EFCAB6: variants seen among roughly 807,000 people sequenced by gnomAD.
EFCAB6 encodes EF-hand calcium-binding domain-containing protein 6.
A neutral mutation model predicts 169.8 loss-of-function variants in EFCAB6; 156 were observed. The ratio of observed to expected loss-of-function variants is 0.92; its 90% confidence interval spans 0.81 to 1.05. The LOEUF is 1.05. Among genes scored for constraint, EFCAB6 ranks in the 50% least tolerant of loss-of-function variants. The pLI is 0.00. For synonymous variants in EFCAB6, 698 were observed against 676.4 expected (o/e 1.03, Z -0.50); for missense variants, 1,800 against 1,829.1 (o/e 0.98, Z 0.29).
intron 20 of EFCAB6, among the ~76,000 whole-genome samples, chr22:43,616,803 C>T (rs1454666175): frequency 2.0e-5 from 3 of 152,208 alleles, no homozygotes; most frequent in Non-Finnish European, 4.4e-5. Context: ...CTGGGATGCC[C>T]TAGATCTTTC....
chr22:43,792,405 G>A (rs1043692175), intron 2 of EFCAB6, among the ~76,000 whole-genome samples: 3 of 152,232 alleles, frequency 2.0e-5, no homozygotes, highest in African/African-American at 7.2e-5. Context: ...TGCAAGGGAA[G>A]TGGAGATGTG....
intron 17 of EFCAB6, among the ~76,000 whole-genome samples, chr22:43,650,785 T>C (rs2056429826): frequency 6.6e-6 from 1 of 152,166 alleles, no homozygotes; most frequent in South Asian, 2.1e-4. Context: ...GAGGCACTTG[T>C]TGGGAACTGG....
intron 27 of EFCAB6, among the ~76,000 whole-genome samples, chr22:43,544,354 C>A (rs1046739492): frequency 2.6e-5 from 4 of 152,216 alleles, no homozygotes; most frequent in Non-Finnish European, 5.9e-5. Context: ...TCCAGGCCAC[C>A]CCTCCTCGTG....
intron 5 of EFCAB6, chr22:43,759,422 T>C (rs1476227749): frequency 1.3e-5 from 2 of 152,356 alleles, no homozygotes; most frequent in East Asian, 1.9e-4. Context: ...CGAACGATTG[T>C]AGTTATTCTT....
At chr22:43,543,103 G>A (rs1465863717) in intron 27 of EFCAB6, among the ~76,000 whole-genome samples, 1 of 152,188 alleles carries the variant, frequency 6.6e-6, no homozygotes, top group Admixed American at 6.5e-5. Flanking sequence ...CTGAGCCCAT[G>A]AGCGCGGGGT....
intron 17 of EFCAB6, among the ~76,000 whole-genome samples, chr22:43,649,395 A>G (rs137749): frequency 0.12 from 18,314 of 152,220 alleles, 1,144 homozygotes; most frequent in Admixed American, 0.13. Flanking sequence ...TATAATGCCT[A>G]TTGCTTATAA....
intron 9 of EFCAB6, chr22:43,716,641 T>A (rs913856312): frequency 2.1e-6 from 1 of 482,696 alleles, no homozygotes; most frequent in Non-Finnish European, 3.4e-6. Context: ...AAGGATGTAC[T>A]TAAAAATTAA....
At chr22:43,584,601 A>G (rs1426763581) in intron 24 of EFCAB6, among the ~76,000 whole-genome samples, 1 of 152,132 alleles carries the variant, frequency 6.6e-6, no homozygotes, top group Non-Finnish European at 1.5e-5. Flanking sequence ...TCCAAGGGAA[A>G]AGACTTTCTG....
chr22:43,564,145 G>T (rs1221462668), intron 26 of EFCAB6, among the ~76,000 whole-genome samples: 2 of 152,284 alleles, frequency 1.3e-5, no homozygotes, highest in South Asian at 2.1e-4. Flanking sequence ...CATCCCCCAT[G>T]CACTTTAGGA....
At chr22:43,806,679 G>C (rs1024151624) in intron 2 of EFCAB6, among the ~76,000 whole-genome samples, 1 of 152,182 alleles carries the variant, frequency 6.6e-6, no homozygotes, top group African/African-American at 2.4e-5. Flanking sequence ...ACACCACGTA[G>C]TTCCTCACTT....
chr22:43,784,953 A>T (rs2062024120), intron 2 of EFCAB6, among the ~76,000 whole-genome samples: 2 of 151,988 alleles, frequency 1.3e-5, no homozygotes, highest in African/African-American at 4.8e-5. Context: ...GATCTATATT[A>T]AAAAAAGGAA....
rs200749675 is a variant in EFCAB6 at position 43,678,129 on chromosome 22, C to T, written c.1286G>A (p.Arg429Gln). Residue 429 changes from arginine (R) to glutamine (Q), a missense_variant, in exon 13 of 32, where the codon CGA becomes CAA. Physicochemically the swap from Arg to Gln is conservative, Grantham distance 43. Coordinates refer to ENST00000262726, the MANE Select transcript of EFCAB6 (RefSeq NM_022785.4). The stretch of plus-strand genomic sequence containing the variant: ...TACAGCCATGCAATTTAGAATATAT[C>T]GAAATTCTTCTCTTGTTATCGGTCC... The part of the protein sequence containing the change: ...PDGPITREEF[R>Q]YILNCMAVKL... 3.7e-6 allele frequency: 6 copies of T among 1,609,266 alleles called. No individual in the cohort carries two copies. The highest frequency in any genetic ancestry group is 2.7e-5 in the African/African-American group (2 of 73,376).
intron 17 of EFCAB6, among the ~76,000 whole-genome samples, chr22:43,646,195 C>A (rs1038383750): frequency 2.0e-5 from 3 of 152,138 alleles, no homozygotes; most frequent in East Asian, 3.9e-4. Flanking sequence ...GACAAATGGG[C>A]GCAACAGGAA....
chr22:43,608,340 C>G, intron 22 of EFCAB6, 142 bp downstream of exon 22: 1 of 691,462 alleles, frequency 1.4e-6, no homozygotes, highest in East Asian at 2.7e-5. Context: ...AGGAAAGACA[C>G]AGGAGATGAG....
chr22:43,529,017 C>A (rs1187975643), intron 31 of EFCAB6, 42 bp from the exon 32 acceptor site: 1 of 1,526,446 alleles, frequency 6.6e-7, no homozygotes, highest in South Asian at 1.2e-5. Flanking sequence ...TTGTTTGGTG[C>A]CCTAGGTTAA....
chr22:43,722,296 G>A (rs1409549136), intron 8 of EFCAB6, among the ~76,000 whole-genome samples: 1 of 152,098 alleles, frequency 6.6e-6, no homozygotes, highest in Non-Finnish European at 1.5e-5. Flanking sequence ...GGAGGCCAAG[G>A]TGGGCAGATC....
intron 2 of EFCAB6, among the ~76,000 whole-genome samples, chr22:43,789,847 TCACACACA>T (rs34752280): frequency 2.8e-5 from 4 of 143,404 alleles, no homozygotes; most frequent in African/African-American, 7.8e-5. Context: ...TGGCTAACCT[TCACACACA>T]CACACACACA....
intron 6 of EFCAB6, among the ~76,000 whole-genome samples, chr22:43,739,415 C>A (rs1461592170): frequency 6.6e-6 from 1 of 152,026 alleles, no homozygotes; most frequent in Admixed American, 6.5e-5. Context: ...CATCTCTAAG[C>A]CTGGAGCATT....
At chr22:43,770,219 C>T (rs1163132791) in intron 4 of EFCAB6, among the ~76,000 whole-genome samples, 2 of 152,146 alleles carry the variant, frequency 1.3e-5, no homozygotes, top group African/African-American at 4.8e-5. Context: ...CCAGGCTGGT[C>T]TTGAACTCCT....
Sources: allele counts gnomAD v4.1 joint callset (sites outside exome capture counted in the v4.1 genomes callset), GRCh38; gene constraint gnomAD v4.1.1; transcripts MANE v1.5; gene names NCBI Gene and HGNC (gene_info 2026-07-23, HGNC 2026-07-21).